Variants in NUP214 observed in about 807,000 individuals in gnomAD.
NUP214 encodes the protein nuclear pore complex protein Nup214.
Under a neutral mutation model 196.2 loss-of-function variants are expected in NUP214, and 79 were observed. That is an observed-to-expected ratio of 0.40 (90% confidence interval 0.34 to 0.49). The LOEUF (loss-of-function observed/expected upper bound fraction) is 0.49, where lower values mean the gene tolerates loss of function less well. Among genes scored for constraint, NUP214 ranks in the 20% least tolerant of loss-of-function variants. NUP214 has a pLI of 0.58. For synonymous variants in NUP214, 1,020 were observed against 990.5 expected (o/e 1.03, Z -0.56); for missense variants, 2,468 against 2,539.0 (o/e 0.97, Z 0.60).
At chr9:131,166,899 C>G (rs1832800641) in intron 21 of NUP214, among the ~76,000 whole-genome samples, 1 of 152,112 alleles carries the variant, frequency 6.6e-6, no homozygotes, top group Non-Finnish European at 1.5e-5. Flanking sequence ...TGTTGCTGAA[C>G]TATCTGAGAA....
intron 24 of NUP214, among the ~76,000 whole-genome samples, chr9:131,180,904 GGAGATA>G (rs1054113793): frequency 6.6e-6 from 1 of 152,056 alleles, no homozygotes; most frequent in African/African-American, 2.4e-5. Flanking sequence ...CTTAGGAGCT[GGAGATA>G]AACTACCTGT....
chr9:131,200,404 C>T (rs1256286297), intron 29 of NUP214, among the ~76,000 whole-genome samples: 69 of 152,168 alleles, frequency 4.5e-4, no homozygotes, highest in Non-Finnish European at 1.9e-4. Context: ...GGTAAAACCC[C>T]ATCTCTACTA....
intron 8 of NUP214, 38 bp downstream of exon 8, chr9:131,135,042 C>T (rs1161514903): frequency 7.3e-7 from 1 of 1,368,196 alleles, no homozygotes; most frequent in African/African-American, 1.4e-5. Flanking sequence ...CCTGCTCTCA[C>T]TGGAAGATCA....
intron 14 of NUP214, among the ~76,000 whole-genome samples, chr9:131,149,000 C>CT (rs1832168121): frequency 6.6e-6 from 1 of 152,020 alleles, no homozygotes; most frequent in South Asian, 2.1e-4. Flanking sequence ...ATTATTTTAT[C>CT]TTTCATATTT....
At chr9:131,157,916 G>C (rs1003300885) in intron 17 of NUP214, among the ~76,000 whole-genome samples, 1 of 152,170 alleles carries the variant, frequency 6.6e-6, no homozygotes, top group African/African-American at 2.4e-5. Context: ...AAAGTACTGG[G>C]ATTACAGGCA....
Position 131,197,992 on chromosome 9 carries a change from G to A in NUP214, c.4498G>A (p.Ala1500Thr). 6.2e-7 allele frequency: 1 copy of A among 1,614,210 alleles called. No individual in the cohort carries two copies. Among genetic ancestry groups the A allele is most frequent in the Non-Finnish European group, 8.5e-7 (1 of 1,180,044 alleles). The change falls in exon 29 of 36, where the codon GCT becomes ACT. Residue 1500 changes from alanine to threonine, a missense_variant. Ala to Thr is a moderately conservative substitution (Grantham distance 58). Transcript: ENST00000359428. ...GRSTEEATSS[A>T]LPEKPGDSEV... ...AAGCACAGAAGAGGCCACTTCATCA[G>A]CTTTGCCTGAGAAGCCAGGTGACAG...
rs1564205261 is a variant in NUP214, at chr9:131,197,684, T to G, written c.4190T>G (p.Val1397Gly). ...ACATCCTCTGCAACCACCACCTCAGTAGCACCACCAGCAGCCACCAGCACT... is the reference window on the plus strand; with the variant it reads ...ACATCCTCTGCAACCACCACCTCAGGAGCACCACCAGCAGCCACCAGCACT... ...PVTSSATTTS[V>G]APPAATSTSS... The change falls in exon 29 of 36, where the codon GTA becomes GGA. Residue 1397 changes from valine to glycine, a missense_variant. This residue lies in a region of NUP214 where 1,801 missense variants were observed against 1,779.4 expected (regional missense o/e 1.01). Coordinates refer to ENST00000359428, the MANE Select transcript of NUP214 (RefSeq NM_005085.4). 6.2e-7 allele frequency: 1 copy of G among 1,614,154 alleles called. No homozygotes were observed. Among genetic ancestry groups the G allele is most frequent in the African/African-American group, 1.3e-5 (1 of 75,040 alleles).
chr9:131,170,077 A>G (rs1457063238), intron 21 of NUP214, among the ~76,000 whole-genome samples: 3 of 152,130 alleles, frequency 2.0e-5, no homozygotes, highest in Admixed American at 6.5e-5. Context: ...CTGGAGATAG[A>G]TGGTAGTCAC....
In NUP214 at chr9:131,198,599, A is replaced by G. The variant is rs768606069; in HGVS notation, c.5105A>G (p.Gln1702Arg). The change falls in exon 29 of 36, where the codon CAG (glutamine) becomes CGG (arginine). Residue 1702 changes from glutamine (Q) to arginine (R), a missense_variant. By Grantham distance (43) the Gln-to-Arg change is conservative. Around this residue, in one of 5 missense-constraint regions of NUP214, gnomAD observed 1,801 missense variants for 1,779.4 expected, o/e 1.01. Coordinates refer to ENST00000359428, the MANE Select transcript of NUP214 (RefSeq NM_005085.4). Reference sequence around the variant, plus strand: ...GCCAGCACAGCAGCTGCCACACCACAGGTCAGCAGCTCAGGGTTTAGCAGC... The same window carrying G: ...GCCAGCACAGCAGCTGCCACACCACGGGTCAGCAGCTCAGGGTTTAGCAGC... The part of the protein sequence containing the change: ...STASTAAATP[Q>R]VSSSGFSSPA... 14 of 1,614,058 alleles carry G rather than the reference A, an allele frequency of 8.7e-6. No individual in the cohort carries two copies. The highest frequency in any genetic ancestry group is 1.6e-4 in the Middle Eastern group (1 of 6,084).
At chr9:131,128,605 GT>G (rs1831436416) in intron 3 of NUP214, 122 bp downstream of exon 3, 1 of 794,114 alleles carries the variant, frequency 1.3e-6, no homozygotes, top group Admixed American at 3.1e-5. Context: ...TAAAATATGG[GT>G]TAAAAAAAAA....
chr9:131,187,351 A>C lies in NUP214; in HGVS notation c.3482A>C (p.Asn1161Thr), dbSNP rs1425333000. 4.3e-6 allele frequency: 7 copies of C among 1,609,660 alleles called. No individual in the cohort carries two copies. The East Asian group carries it at 1.3e-4, about 31-fold the overall frequency. The change falls in exon 25 of 36, where the codon AAC becomes ACC. Residue 1161 changes from asparagine to threonine, a missense_variant. By Grantham distance (65) the Asn-to-Thr change is moderately conservative. Coordinates refer to ENST00000359428, the MANE Select transcript of NUP214 (RefSeq NM_005085.4). ...PHPVLTPVAA[N>T]QAKQGSLINS... ...CCAGTGTTGACCCCAGTGGCTGCTAACCAAGCCAAGCAGGTAACTTACTGA... is the reference window on the plus strand; with the variant it reads ...CCAGTGTTGACCCCAGTGGCTGCTACCCAAGCCAAGCAGGTAACTTACTGA...
chr9:131,152,684 G>C (rs980885266), intron 17 of NUP214, among the ~76,000 whole-genome samples: 1 of 152,080 alleles, frequency 6.6e-6, no homozygotes, highest in Admixed American at 6.5e-5. Flanking sequence ...TAAGTAGCTT[G>C]TCCAAAGTCA....
intron 30 of NUP214, among the ~76,000 whole-genome samples, chr9:131,212,788 T>A (rs1177819481): frequency 6.6e-6 from 1 of 152,222 alleles, no homozygotes; most frequent in Non-Finnish European, 1.5e-5. Context: ...GATGGTTTTT[T>A]TTATAGATTT....
intron 29 of NUP214, among the ~76,000 whole-genome samples, chr9:131,200,763 T>TGGA (rs150633737): frequency 0.021 from 3,123 of 152,188 alleles, 44 homozygotes; most frequent in Middle Eastern, 0.037. Flanking sequence ...ACTCCTTGTC[T>TGGA]GGAGCTCTTT....
In NUP214 at chr9:131,163,095, T is replaced by G. The variant is rs1448013735; in HGVS notation, c.2645T>G (p.Leu882Arg). The G allele has an allele frequency of 1.2e-6, 2 of 1,614,216 alleles. No individual in the cohort carries two copies. Among genetic ancestry groups the G allele is most frequent in the Non-Finnish European group, 1.7e-6 (2 of 1,180,024 alleles). The part of the protein sequence containing the change: ...RKRLNHLVDS[L>R]QQLRLYKQTS... ...AGGCTGAATCACCTGGTGGATAGTC[T>G]TCAGCAGCTCCGCCTTTACAAACAG... The change falls in exon 19 of 36, where the codon CTT (leucine) becomes CGT (arginine). Residue 882 changes from leucine (L) to arginine (R), a missense_variant. Physicochemically the swap from Leu to Arg is moderately radical, Grantham distance 102. This residue lies in a region of NUP214 where 1,801 missense variants were observed against 1,779.4 expected (regional missense o/e 1.01). Coordinates refer to ENST00000359428, the MANE Select transcript of NUP214 (RefSeq NM_005085.4).
intron 11 of NUP214, among the ~76,000 whole-genome samples, chr9:131,143,159 A>G (rs1252178001): frequency 6.6e-6 from 1 of 152,090 alleles, no homozygotes; most frequent in East Asian, 1.9e-4. Flanking sequence ...GGCACAAGCC[A>G]TCACACCTGG....
chr9:131,156,196 G>A (rs1002416734), intron 17 of NUP214, among the ~76,000 whole-genome samples: 7 of 134,910 alleles, frequency 5.2e-5, no homozygotes, highest in African/African-American at 2.0e-4. Flanking sequence ...ACAGTGGCAC[G>A]ATCTCGGCTC....
chr9:131,156,834 G>A (rs1288835661), intron 17 of NUP214, among the ~76,000 whole-genome samples: 1 of 152,042 alleles, frequency 6.6e-6, no homozygotes, highest in Non-Finnish European at 1.5e-5. Flanking sequence ...TCTCTTGTCT[G>A]TGCCAGCTAC....
Position 131,127,608 on chromosome 9 carries a change from G to C in NUP214, c.130G>C (p.Val44Leu). 1 of 1,614,150 alleles carries C rather than the reference G, an allele frequency of 6.2e-7. No homozygotes were observed. Among genetic ancestry groups the C allele is most frequent in the Non-Finnish European group, 8.5e-7 (1 of 1,180,002 alleles). Residue 44 changes from valine to leucine, a missense_variant, in exon 2 of 36, where the codon GTG becomes CTG. Around this residue, in one of 5 missense-constraint regions of NUP214, gnomAD observed 392 missense variants for 417.9 expected, o/e 0.94. Coordinates refer to ENST00000359428, the MANE Select transcript of NUP214 (RefSeq NM_005085.4). ...LPKERSSLLA[V>L]SNKYGLVFAG... ...CAAGGAACGCTCGAGTCTGCTTGCT[G>C]TGTCCAACAAATATGGTCTGGTCTT... is the stretch of plus-strand genomic sequence containing the variant.
Sources: gnomAD v4.1 joint callset for allele counts (sites outside exome capture counted in the v4.1 genomes callset) on GRCh38, gnomAD v4.1.1 for gene constraint, gnomAD v4.1.1 regional missense constraint, MANE v1.5 for transcripts, NCBI Gene and HGNC (gene_info 2026-07-23, HGNC 2026-07-21) for gene names.